The following CADPS2 variants were observed in gnomAD, a reference collection of about 807,000 sequenced individuals.
The protein encoded by CADPS2 is calcium dependent secretion activator 2, also known as calcium-dependent secretion activator 2.
CADPS2 carries 93 observed loss-of-function variants against 172.5 expected under a neutral mutation model. The observed-to-expected ratio is 0.54, with a 90% confidence interval of 0.46 to 0.64. The LOEUF (loss-of-function observed/expected upper bound fraction) is 0.64. Among genes scored for constraint, CADPS2 ranks in the 30% least tolerant of loss-of-function variants. The probability of loss-of-function intolerance (pLI) is 0.00; values close to 1 mark genes in which losing one functional copy is unlikely to be tolerated. For synonymous variants in CADPS2, 546 were observed against 555.2 expected, an observed-to-expected ratio of 0.98 and a Z score of 0.23; for missense variants, 1,420 against 1,565.9, an observed-to-expected ratio of 0.91 and a Z score of 1.57.
chr7:122,501,874 CAAAAAAA>C (rs1173009562), intron 9 of CADPS2, among the ~76,000 whole-genome samples: 126 of 42,194 alleles, frequency 3.0e-3, no homozygotes, highest in African/African-American at 7.3e-3. Context: ...GACTCCGTCT[CAAAAAAA>C]AAAAAAAAAA....
chr7:122,632,172 G>T (rs959831131), intron 3 of CADPS2, among the ~76,000 whole-genome samples: 1 of 152,144 alleles, frequency 6.6e-6, no homozygotes, highest in Non-Finnish European at 1.5e-5. Context: ...CCATATGGGT[G>T]CAAGTGTCCT....
At chr7:122,775,641 AT>A (rs1355094555) in intron 1 of CADPS2, among the ~76,000 whole-genome samples, 4 of 152,176 alleles carry the variant, frequency 2.6e-5, no homozygotes, top group Admixed American at 6.5e-5. Context: ...CTGAACCTAT[AT>A]TTGATTATCA....
At chr7:122,627,567 G>C (rs544055261) in intron 4 of CADPS2, among the ~76,000 whole-genome samples, 1 of 152,266 alleles carries the variant, frequency 6.6e-6, no homozygotes, top group East Asian at 1.9e-4. Context: ...CAGCCCAGGA[G>C]TTTATGAACA....
At chr7:122,562,357 G>C (rs1208112720) in intron 7 of CADPS2, among the ~76,000 whole-genome samples, 1 of 152,128 alleles carries the variant, frequency 6.6e-6, no homozygotes, top group African/African-American at 2.4e-5. Context: ...AAAAGGACTT[G>C]ACCAGCCATT....
At chr7:122,672,441 T>C (rs1002171053) in intron 2 of CADPS2, among the ~76,000 whole-genome samples, 7 of 152,172 alleles carry the variant, frequency 4.6e-5, no homozygotes, top group African/African-American at 1.7e-4. Context: ...ACTCACCAAG[T>C]AGCAGATATC....
intron 8 of CADPS2, among the ~76,000 whole-genome samples, chr7:122,525,692 T>C (rs1331134336): frequency 6.6e-6 from 1 of 152,198 alleles, no homozygotes; most frequent in East Asian, 1.9e-4. Context: ...TAGACTTACG[T>C]AAACCCAGAT....
At chr7:122,500,904 T>A (rs1181225108) in intron 9 of CADPS2, among the ~76,000 whole-genome samples, 3 of 151,966 alleles carry the variant, frequency 2.0e-5, no homozygotes, top group Admixed American at 2.0e-4. Context: ...TGAAAACTAG[T>A]CAGGAAAAAG....
At chr7:122,721,227 T>C (rs1281330141) in intron 2 of CADPS2, among the ~76,000 whole-genome samples, 1 of 151,976 alleles carries the variant, frequency 6.6e-6, no homozygotes, top group Non-Finnish European at 1.5e-5. Flanking sequence ...CAAAAAACCC[T>C]TCAAAAAACC....
chr7:122,466,295 G>A (rs1460758979), intron 14 of CADPS2, among the ~76,000 whole-genome samples: 1 of 152,204 alleles, frequency 6.6e-6, no homozygotes, highest in African/African-American at 2.4e-5. Context: ...GGAAGACAGA[G>A]GAAATTAATT....
intron 4 of CADPS2, among the ~76,000 whole-genome samples, chr7:122,626,883 T>A (rs2076139713): frequency 6.6e-6 from 1 of 152,222 alleles, no homozygotes; most frequent in South Asian, 2.1e-4. Context: ...TCTGGCCCTG[T>A]ACACATTTTG....
At chr7:122,866,309 T>C (rs1030929376) in intron 1 of CADPS2, among the ~76,000 whole-genome samples, 3 of 152,220 alleles carry the variant, frequency 2.0e-5, no homozygotes, top group East Asian at 3.8e-4. Flanking sequence ...ACCATTGCTA[T>C]AGTCTCCAAA....
chr7:122,460,108 A>T (rs1226074424), intron 14 of CADPS2, among the ~76,000 whole-genome samples: 1 of 151,804 alleles, frequency 6.6e-6, no homozygotes, highest in Non-Finnish European at 1.5e-5. Context: ...TTAAATGCAA[A>T]TTTTTTCATG....
chr7:122,348,519 T>C (rs929303287), intron 27 of CADPS2, among the ~76,000 whole-genome samples: 1 of 152,164 alleles, frequency 6.6e-6, no homozygotes, highest in African/African-American at 2.4e-5. Context: ...AAGTGTTTCC[T>C]TTTTTTAAAA....
chr7:122,651,921 A>G (rs918759919), intron 3 of CADPS2, among the ~76,000 whole-genome samples: 5 of 152,164 alleles, frequency 3.3e-5, no homozygotes, highest in Admixed American at 1.3e-4. Flanking sequence ...TCTATAGTCC[A>G]TAAGGTGCTT....
chr7:122,703,982 A>C (rs2086581495), intron 2 of CADPS2, among the ~76,000 whole-genome samples: 1 of 152,070 alleles, frequency 6.6e-6, no homozygotes, highest in Admixed American at 6.6e-5. Flanking sequence ...TCTTTATCTA[A>C]AGTCTGTTTC....
At chr7:122,557,082 C>T (rs905906986) in intron 7 of CADPS2, among the ~76,000 whole-genome samples, 5 of 152,080 alleles carry the variant, frequency 3.3e-5, no homozygotes, top group East Asian at 3.9e-4. Flanking sequence ...AACATTGGCA[C>T]GTGTAACAAG....
intron 12 of CADPS2, among the ~76,000 whole-genome samples, chr7:122,474,927 T>C (rs992326350): frequency 6.6e-6 from 1 of 152,164 alleles, no homozygotes; most frequent in Non-Finnish European, 1.5e-5. Context: ...TAGGGCAGAA[T>C]TGAACACACA....
intron 28 of CADPS2, 125 bp downstream of exon 28, chr7:122,345,449 T>C: frequency 3.3e-6 from 2 of 597,766 alleles, no homozygotes; most frequent in Non-Finnish European, 5.8e-6. Context: ...GCTTCAACTT[T>C]TTAGTATAGA....
chr7:122,784,634 C>T (rs978189965), intron 1 of CADPS2, among the ~76,000 whole-genome samples: 19 of 152,114 alleles, frequency 1.2e-4, no homozygotes, highest in African/African-American at 4.3e-4. Flanking sequence ...TGTGTGGATG[C>T]CCCATCTTCC....
Sources: gnomAD v4.1 joint callset for allele counts (sites outside exome capture counted in the v4.1 genomes callset) on GRCh38, gnomAD v4.1.1 for gene constraint, MANE v1.5 for transcripts, NCBI Gene and HGNC (gene_info 2026-07-23, HGNC 2026-07-21) for gene names.